SEC11A: variants seen among roughly 807,000 people sequenced by gnomAD.
SEC11A encodes the protein SEC11 homolog A, signal peptidase complex subunit.
A neutral mutation model predicts 25.6 loss-of-function variants in SEC11A; 14 were observed. The observed-to-expected ratio is 0.55, with a 90% CI of 0.36 to 0.85. The LOEUF (loss-of-function observed/expected upper bound fraction) is 0.85, where lower values mean the gene tolerates loss of function less well. Ranked by LOEUF, SEC11A falls within the 40% of genes least tolerant of loss-of-function variation. SEC11A has a pLI of 0.01. For missense variants in SEC11A, 153 were observed against 222.9 expected, an observed-to-expected ratio of 0.69 and a Z score of 2.00; for synonymous variants, 83 against 76.4, an observed-to-expected ratio of 1.09 and a Z score of -0.45.
intron 4 of SEC11A, among the ~76,000 whole-genome samples, chr15:84,678,606 T>TA (rs887132061): frequency 1.3e-5 from 2 of 152,214 alleles, no homozygotes; most frequent in African/African-American, 4.8e-5. Flanking sequence ...GATTTGTAAA[T>TA]ACGCTAGTAA....
intron 2 of SEC11A, among the ~76,000 whole-genome samples, chr15:84,688,443 C>T (rs867299752): frequency 3.3e-5 from 5 of 152,250 alleles, no homozygotes; most frequent in Middle Eastern, 3.4e-3. Flanking sequence ...ATCTTCTTAC[C>T]TCTTACCTCT....
At chr15:84,684,804 C>T (rs552273413) in intron 3 of SEC11A, among the ~76,000 whole-genome samples, 1 of 152,056 alleles carries the variant, frequency 6.6e-6, no homozygotes, top group East Asian at 1.9e-4. Flanking sequence ...TGGTGGCAGG[C>T]GCCTGTAGTC....
At chr15:84,697,804 C>T (rs973380367) in intron 1 of SEC11A, among the ~76,000 whole-genome samples, 1 of 152,102 alleles carries the variant, frequency 6.6e-6, no homozygotes, top group African/African-American at 2.4e-5. Flanking sequence ...CATATCTGAC[C>T]ACATCAAGCT....
intron 2 of SEC11A, among the ~76,000 whole-genome samples, chr15:84,689,609 CT>C (rs11316103): frequency 0.69 from 84,704 of 122,414 alleles, 27,185 homozygotes; most frequent in East Asian, 0.85. Flanking sequence ...TCTTTTCTTT[CT>C]TTTTTTTTTT....
At chr15:84,708,323 A>G (rs1898160402) in intron 1 of SEC11A, among the ~76,000 whole-genome samples, 1 of 151,786 alleles carries the variant, frequency 6.6e-6, no homozygotes, top group Non-Finnish European at 1.5e-5. Context: ...CAATATTTCT[A>G]CATTGAAACT....
intron 4 of SEC11A, 112 bp downstream of exon 4, chr15:84,680,601 G>A: frequency 8.7e-7 from 1 of 1,147,506 alleles, no homozygotes; most frequent in Non-Finnish European, 1.2e-6. Flanking sequence ...GGGTGATTTG[G>A]TGGAACCAGA....
chr15:84,674,550 G>A (rs1897084881), intron 4 of SEC11A, among the ~76,000 whole-genome samples: 1 of 150,586 alleles, frequency 6.6e-6, no homozygotes, highest in African/African-American at 2.5e-5. Context: ...ATAATCCATG[G>A]AATTTAAAAA....
intron 1 of SEC11A, among the ~76,000 whole-genome samples, chr15:84,712,185 TA>T (rs1898294657): frequency 6.6e-6 from 1 of 151,840 alleles, no homozygotes; most frequent in Non-Finnish European, 1.5e-5. Flanking sequence ...AAGGCTGCAG[TA>T]AGCTGTGATT....
chr15:84,677,428 AT>A (rs1897163810), intron 4 of SEC11A, among the ~76,000 whole-genome samples: 2 of 149,906 alleles, frequency 1.3e-5, no homozygotes, highest in Non-Finnish European at 3.0e-5. Flanking sequence ...CTATGTTGGG[AT>A]TTTAAAAATA....
At chr15:84,689,643 T>A (rs1436835230) in intron 2 of SEC11A, among the ~76,000 whole-genome samples, 1 of 151,014 alleles carries the variant, frequency 6.6e-6, no homozygotes, top group Non-Finnish European at 1.5e-5. Flanking sequence ...AAATTTCAAT[T>A]GTCACCCAGG....
intron 2 of SEC11A, among the ~76,000 whole-genome samples, chr15:84,688,375 C>T (rs371559761): frequency 6.6e-6 from 1 of 152,306 alleles, no homozygotes; most frequent in South Asian, 2.1e-4. Context: ...CTAAGAATTT[C>T]CGAAGCCAGG....
Position 84,707,181 on chromosome 15 carries a change from C to CTTT in SEC11A, c.51+8841_51+8843dup, listed in dbSNP as rs35694643. Among the ~76,000 whole-genome samples the CTTT allele has an allele frequency of 1.7e-3, 156 of 91,662 alleles. 2 individuals carry two copies. Among genetic ancestry groups the CTTT allele is most frequent in the African/African-American group, 3.0e-3 (74 of 24,572 alleles). The allele number at this position is 91,662 out of a possible 152,430, so 60.1% of individuals were successfully genotyped here. On this transcript the variant is annotated intron_variant, in intron 1 of 5. Coordinates refer to ENST00000268220, the MANE Select transcript of SEC11A (RefSeq NM_014300.4). The stretch of plus-strand genomic sequence containing the variant: ...CAGCTTCTCCTACAATTGTGTGAGA[C>CTTT]TTTTTTTTTTTTTTTTTTTTTTTGA...
chr15:84,694,761 G>A (rs1013153480), intron 1 of SEC11A, among the ~76,000 whole-genome samples: 3 of 151,890 alleles, frequency 2.0e-5, no homozygotes, highest in Non-Finnish European at 2.9e-5. Flanking sequence ...CTAGGAGTTC[G>A]AGACCAGAAA....
At chr15:84,715,922 A>G in intron 1 of SEC11A, 103 bp downstream of exon 1, 1 of 1,058,968 alleles carries the variant, frequency 9.4e-7, no homozygotes, top group Non-Finnish European at 1.4e-6. Flanking sequence ...GTATCAGACC[A>G]GCTCAGACCC....
intron 1 of SEC11A, among the ~76,000 whole-genome samples, chr15:84,710,198 A>G (rs1397075900): frequency 6.6e-6 from 1 of 152,208 alleles, no homozygotes. Flanking sequence ...AAGAGAACTT[A>G]AGAAGTCTCA....
chr15:84,703,189 T>C (rs1596081935), intron 1 of SEC11A, among the ~76,000 whole-genome samples: 1 of 152,162 alleles, frequency 6.6e-6, no homozygotes, highest in East Asian at 1.9e-4. Flanking sequence ...TGAGTTCTTG[T>C]AGAGACTAAC....
At chr15:84,709,196 C>CT (rs538963366) in intron 1 of SEC11A, among the ~76,000 whole-genome samples, 2,325 of 148,336 alleles carry the variant, frequency 0.016, 65 homozygotes, top group African/African-American at 0.053. Flanking sequence ...GAGTAAATAT[C>CT]TTTTTTTTTT....
intron 1 of SEC11A, among the ~76,000 whole-genome samples, chr15:84,705,056 C>G (rs1484103816): frequency 2.0e-5 from 3 of 152,058 alleles, no homozygotes; most frequent in South Asian, 4.1e-4. Flanking sequence ...TACCGAGTAG[C>G]TAGGACTACA....
chr15:84,697,795 A>C (rs1474100706), intron 1 of SEC11A, among the ~76,000 whole-genome samples: 2 of 152,218 alleles, frequency 1.3e-5, no homozygotes, highest in East Asian at 1.9e-4. Context: ...ACCTAACCTC[A>C]TATCTGACCA....
Sources: gnomAD v4.1 joint callset for allele counts (sites outside exome capture counted in the v4.1 genomes callset) on GRCh38, gnomAD v4.1.1 for gene constraint, MANE v1.5 for transcripts, NCBI Gene and HGNC (gene_info 2026-07-23, HGNC 2026-07-21) for gene names.